The following KCTD7 variants were observed in gnomAD, a reference collection of about 807,000 sequenced individuals.
KCTD7 encodes the protein BTB/POZ domain-containing protein KCTD7.
A neutral mutation model predicts 27.0 loss-of-function variants in KCTD7; 15 were observed. The ratio of observed to expected loss-of-function variants is 0.56; its 90% CI spans 0.37 to 0.86. The LOEUF (loss-of-function observed/expected upper bound fraction) is 0.86, where lower values mean the gene tolerates loss of function less well. Ranked by LOEUF, KCTD7 falls within the 40% of genes least tolerant of loss-of-function variation. The probability of loss-of-function intolerance (pLI) is 0.00; values close to 1 mark genes in which losing one functional copy is unlikely to be tolerated. For synonymous variants in KCTD7, 159 were observed against 162.7 expected, an observed-to-expected ratio of 0.98 and a Z score of 0.17; for missense variants, 299 against 398.9, an observed-to-expected ratio of 0.75 and a Z score of 2.13.
rs1786727394 is a variant in KCTD7, at chr7:66,641,897, G to C, written c.*2665G>C. ...AATGGCCAGGCCCAGAACAGAAGAA[G>C]GGTTGGGTCTGGAAGGAAGGCTCCA... On this transcript the variant is annotated 3_prime_UTR_variant, in exon 4 of 4. Transcript: ENST00000639828. The C allele has an allele frequency of 1.0e-6, 1 of 985,374 alleles. No homozygotes were observed. Among genetic ancestry groups the C allele is most frequent in the Admixed American group, 6.1e-5 (1 of 16,278 alleles). 61.0% of individuals were successfully genotyped at this position (985,374 alleles called of 1,614,324 possible).
Position 66,641,394 on chromosome 7 carries a change from C to T in KCTD7, c.*2162C>T. ...TGCTTTCAGTAATGTGGCCTTGACCCCTTCTGCTTCCCCCTTCTCCCATGG... is the reference window on the plus strand; with the variant it reads ...TGCTTTCAGTAATGTGGCCTTGACCTCTTCTGCTTCCCCCTTCTCCCATGG... On this transcript the variant is annotated 3_prime_UTR_variant, in exon 4 of 4. Coordinates refer to ENST00000639828, the MANE Select transcript of KCTD7 (RefSeq NM_153033.5). The T allele has an allele frequency of 3.0e-6, 3 of 985,388 alleles. No homozygotes were observed. Among genetic ancestry groups the T allele is most frequent in the Non-Finnish European group, 2.4e-6 (2 of 829,936 alleles). The allele number at this position is 985,388 out of a possible 1,614,324, so 61.0% of individuals were successfully genotyped here. A position where few individuals can be genotyped will look rare whatever the true frequency, so the allele number is the denominator to read the frequency against.
Position 66,638,343 on chromosome 7 carries a change from G to A in KCTD7, c.405G>A (p.Gly135=). Residue 135 remains glycine (G), a synonymous_variant, in exon 3 of 4, where the codon GGG becomes GGA. Transcript: ENST00000639828. ...AAGAGGCCCAGTACTATGCCATCGG[G>A]CCCCTCCTGGAGCAGCTGGAGAACA... ...VYKEAQYYAI[G]PLLEQLENMQ... is the part of the protein sequence containing the mutation. The A allele has an allele frequency of 6.2e-7, 1 of 1,614,228 alleles. No individual in the cohort carries two copies. The highest frequency in any genetic ancestry group is 8.5e-7 in the Non-Finnish European group (1 of 1,180,042).
In KCTD7 at chr7:66,640,537, C is replaced by T; in HGVS notation, c.*1305C>T. The stretch of plus-strand genomic sequence containing the variant: ...ACCATTGATCACAATGTAACATTTC[C>T]ATGCTGCATTAAGGGTGTCTCTCTC... On this transcript the variant is annotated 3_prime_UTR_variant, in exon 4 of 4. Transcript: ENST00000639828. The T allele has an allele frequency of 6.7e-7, 1 of 1,491,262 alleles. No individual in the cohort carries two copies. 92.4% of individuals were successfully genotyped at this position (1,491,262 alleles called of 1,614,324 possible). A position where few individuals can be genotyped will look rare whatever the true frequency, so the allele number is the denominator to read the frequency against.
intron 2 of KCTD7, among the ~76,000 whole-genome samples, chr7:66,635,363 A>G (rs1786562750): frequency 6.6e-6 from 1 of 152,234 alleles, no homozygotes; most frequent in African/African-American, 2.4e-5. Flanking sequence ...CTTTCCCAAG[A>G]AAGGACTTCT....
In KCTD7 at chr7:66,629,113, G is replaced by C. The variant is rs755360166; in HGVS notation, c.49G>C (p.Ala17Pro). The C allele has an allele frequency of 1.9e-6, 3 of 1,542,682 alleles. No individual in the cohort carries two copies. The highest frequency in any genetic ancestry group is 2.6e-6 in the Non-Finnish European group (3 of 1,147,088). ...GCCAGACAGCCGTCGTCAGGACGGT[G>C]CCATGTCCAGCTCTGACGCCGAAGA... ...REPDSRRQDG[A>P]MSSSDAEDDF... The change falls in exon 1 of 4, where the codon GCC becomes CCC. Residue 17 changes from alanine (A) to proline (P), a missense_variant. By Grantham distance (27) the Ala-to-Pro change is conservative. Transcript: ENST00000639828.
chr7:66,643,223 G>C (rs147205609), downstream of KCTD7: 340 of 985,004 alleles, frequency 3.5e-4, 1 homozygote, highest in African/African-American at 5.4e-3. Flanking sequence ...TGAAAGGGAG[G>C]TGGGCCTCTT....
chr7:66,631,706 GA>G (rs34184629), intron 1 of KCTD7, among the ~76,000 whole-genome samples: 21,223 of 143,952 alleles, frequency 0.15, 1,732 homozygotes, highest in Middle Eastern at 0.28. Flanking sequence ...TGCAAAACAG[GA>G]AAAAAAAAAA....
Position 66,640,742 on chromosome 7 carries a change from A to G in KCTD7, c.*1510A>G. The G allele has an allele frequency of 3.6e-6, 4 of 1,098,774 alleles. No homozygotes were observed. Among genetic ancestry groups the G allele is most frequent in the Non-Finnish European group, 4.4e-6 (4 of 900,754 alleles). The allele number at this position is 1,098,774 out of a possible 1,614,324, so 68.1% of individuals were successfully genotyped here. Reference sequence around the variant, plus strand: ...CTACTCTGGAGGCTGAGGCAGGAGGATCACTTGAGCCCAGGAGATTAAGAC... The same window carrying G: ...CTACTCTGGAGGCTGAGGCAGGAGGGTCACTTGAGCCCAGGAGATTAAGAC... On this transcript the variant is annotated 3_prime_UTR_variant, in exon 4 of 4. Coordinates refer to ENST00000639828, the MANE Select transcript of KCTD7 (RefSeq NM_153033.5).
Position 66,629,052 on chromosome 7 carries a change from C to A in KCTD7, c.-13C>A. 6.6e-7 allele frequency: 1 copy of A among 1,505,992 alleles called. No homozygotes were observed. The highest frequency in any genetic ancestry group is 8.9e-7 in the Non-Finnish European group (1 of 1,125,996). The allele number at this position is 1,505,992 out of a possible 1,614,324, so 93.3% of individuals were successfully genotyped here. On this transcript the variant is annotated 5_prime_UTR_variant, in exon 1 of 4. Transcript: ENST00000639828. ...CCCGCCCGAAGCCGCGCCCACTGCC[C>A]AGAGCCAGAGGGATGGTGGTAGTCA... is the stretch of plus-strand genomic sequence containing the variant.
In KCTD7 at chr7:66,638,944, G is replaced by A; in HGVS notation, c.582G>A (p.Lys194=). ...CCAAGCTCAAGGTCTGTGTCTTCAAGGAGGAGATGCCCATCACCCCCTATG... is the reference window on the plus strand; with the variant it reads ...CCAAGCTCAAGGTCTGTGTCTTCAAAGAGGAGATGCCCATCACCCCCTATG... ...RFAKLKVCVF[K]EEMPITPYEC... is the part of the protein sequence containing the mutation. Residue 194 remains lysine, a synonymous_variant, in exon 4 of 4, where the codon AAG becomes AAA. Transcript: ENST00000639828. 1 of 1,614,192 alleles carries A rather than the reference G, an allele frequency of 6.2e-7. No homozygotes were observed. The highest frequency in any genetic ancestry group is 8.5e-7 in the Non-Finnish European group (1 of 1,180,036).
chr7:66,640,966 G>C lies in KCTD7; in HGVS notation c.*1734G>C. Reference sequence around the variant, plus strand: ...TGAGGAAGAGAAGACCAAGCCCTGGGACTTTGGCTGAATTCCTCCGTGGGG... The same window carrying C: ...TGAGGAAGAGAAGACCAAGCCCTGGCACTTTGGCTGAATTCCTCCGTGGGG... On this transcript the variant is annotated 3_prime_UTR_variant, in exon 4 of 4. Coordinates refer to ENST00000639828, the MANE Select transcript of KCTD7 (RefSeq NM_153033.5). The C allele has an allele frequency of 1.0e-6, 1 of 985,572 alleles. No individual in the cohort carries two copies. The highest frequency in any genetic ancestry group is 1.2e-6 in the Non-Finnish European group (1 of 830,050). The allele number at this position is 985,572 out of a possible 1,614,324, so 61.1% of individuals were successfully genotyped here. A position where few individuals can be genotyped will look rare whatever the true frequency, so the allele number is the denominator to read the frequency against.
chr7:66,639,979 C>T lies in KCTD7; in HGVS notation c.*747C>T, dbSNP rs1786677613. The T allele has an allele frequency of 7.9e-7, 1 of 1,258,094 alleles. No individual in the cohort carries two copies. Among genetic ancestry groups the T allele is most frequent in the Non-Finnish European group, 1.0e-6 (1 of 1,004,782 alleles). The allele number at this position is 1,258,094 out of a possible 1,614,324, so 77.9% of individuals were successfully genotyped here. On this transcript the variant is annotated 3_prime_UTR_variant, in exon 4 of 4. Coordinates refer to ENST00000639828, the MANE Select transcript of KCTD7 (RefSeq NM_153033.5). ...CTTGCAGGGTTATCTTCTCACAGGG[C>T]TGGAATGCAAATTTCAGAGGCTTCT...
chr7:66,638,036 A>G (rs568107839), intron 2 of KCTD7, among the ~76,000 whole-genome samples: 6 of 152,344 alleles, frequency 3.9e-5, no homozygotes, highest in African/African-American at 9.6e-5. Context: ...ACTCTGTGCC[A>G]GGGATTTTCT....
downstream of KCTD7, chr7:66,643,217 AG>A: frequency 3.0e-6 from 3 of 985,328 alleles, no homozygotes; most frequent in Non-Finnish European, 3.6e-6. Context: ...CTGCCCTGAA[AG>A]GGAGGTGGGC....
rs2116778200 is a variant in KCTD7, at chr7:66,640,481, C to T, written c.*1249C>T. On this transcript the variant is annotated 3_prime_UTR_variant, in exon 4 of 4. Coordinates refer to ENST00000639828, the MANE Select transcript of KCTD7 (RefSeq NM_153033.5). ...CTAGGCCAACTAGTCAGGGTCTGGA[C>T]ATGCATCTCCTAAAGGAAGAACTGT... 6.5e-7 allele frequency: 1 copy of T among 1,534,934 alleles called. No individual in the cohort carries two copies. The highest frequency in any genetic ancestry group is 8.7e-7 in the Non-Finnish European group (1 of 1,145,916).
intron 1 of KCTD7, among the ~76,000 whole-genome samples, chr7:66,630,050 T>C (rs572739027): frequency 2.0e-5 from 3 of 152,246 alleles, no homozygotes; most frequent in African/African-American, 7.2e-5. Flanking sequence ...GGTGGGAGGA[T>C]TGCTTGATCC....
rs1051653647 is a variant in KCTD7 at position 66,640,356 on chromosome 7, C to A, written c.*1124C>A. On this transcript the variant is annotated 3_prime_UTR_variant, in exon 4 of 4. Coordinates refer to ENST00000639828, the MANE Select transcript of KCTD7 (RefSeq NM_153033.5). ...TCTTTATATTTTGTTTTACTCCTCA[C>A]TCCTGTATATTTTGGTTTACTTACT... The A allele has an allele frequency of 4.6e-6, 7 of 1,536,826 alleles. No individual in the cohort carries two copies. The Admixed American group carries it at 7.8e-5, about 17-fold the overall frequency.
In KCTD7 at chr7:66,638,885, C is replaced by G. The variant is rs568539835; in HGVS notation, c.523C>G (p.Arg175Gly). The change falls in exon 4 of 4, where the codon CGG (arginine) becomes GGG (glycine). Residue 175 changes from arginine (R) to glycine (G), a missense_variant. By Grantham distance (125) the Arg-to-Gly change is moderately radical. Coordinates refer to ENST00000639828, the MANE Select transcript of KCTD7 (RefSeq NM_153033.5). ...CTTGGAGCGGATTGTGGAGATCGCCCGGCTGCGTGCGGTCCAGCGGAAGGC... is the reference window on the plus strand; with the variant it reads ...CTTGGAGCGGATTGTGGAGATCGCCGGGCTGCGTGCGGTCCAGCGGAAGGC... ...DHLERIVEIARLRAVQRKARF... is the reference protein window; with the variant it reads ...DHLERIVEIAGLRAVQRKARF... 3 of 1,613,978 alleles carry G rather than the reference C, an allele frequency of 1.9e-6. No individual in the cohort carries two copies. Among genetic ancestry groups the G allele is most frequent in the South Asian group, 2.2e-5 (2 of 91,070 alleles).
chr7:66,638,577 G>T, intron 3 of KCTD7, 146 bp downstream of exon 3: 3 of 966,926 alleles, frequency 3.1e-6, no homozygotes, highest in Non-Finnish European at 3.1e-6. Context: ...TCCCAGTCAC[G>T]CTGGGGAGAT....
Sources: allele counts gnomAD v4.1 joint callset (sites outside exome capture counted in the v4.1 genomes callset), GRCh38; gene constraint gnomAD v4.1.1; transcripts MANE v1.5; gene names NCBI Gene and HGNC (gene_info 2026-07-23, HGNC 2026-07-21).